The following MYO9A variants were observed in gnomAD, a reference collection of about 807,000 sequenced individuals.
MYO9A encodes the protein unconventional myosin-IXa.
A neutral mutation model predicts 293.3 loss-of-function variants in MYO9A; 103 were observed. The observed-to-expected ratio is 0.35, with a 90% CI of 0.30 to 0.41. MYO9A has a LOEUF of 0.41. Ranked by LOEUF, MYO9A falls within the 10% of genes least tolerant of loss-of-function variation. MYO9A has a pLI of 1.00. For missense variants in MYO9A, 2,685 were observed against 3,033.0 expected (o/e 0.89, Z 2.69); for synonymous variants, 1,001 against 1,035.7 (o/e 0.97, Z 0.64).
chr15:71,862,070 T>C (rs899293112), intron 33 of MYO9A, among the ~76,000 whole-genome samples: 1 of 152,202 alleles, frequency 6.6e-6, no homozygotes, highest in Non-Finnish European at 1.5e-5. Context: ...AAGCAGAGGT[T>C]GCAGTGAGCT....
chr15:71,863,319 A>T (rs2141831883), intron 32 of MYO9A, among the ~76,000 whole-genome samples: 1 of 152,288 alleles, frequency 6.6e-6, no homozygotes, highest in Non-Finnish European at 1.5e-5. Context: ...TACATGAGTT[A>T]TACCTGTTAA....
chr15:71,953,698 C>G (rs1257082159), intron 14 of MYO9A: 1 of 152,066 alleles, frequency 6.6e-6, no homozygotes, highest in Non-Finnish European at 1.5e-5. Context: ...ATTCTGCTTT[C>G]TATACCTTTT....
intron 29 of MYO9A, 27 bp downstream of exon 29, chr15:71,880,308 G>A: frequency 6.3e-7 from 1 of 1,596,872 alleles, no homozygotes; most frequent in Non-Finnish European, 8.6e-7. Flanking sequence ...AGCTGCTCCA[G>A]GGCCTGACGT....
At chr15:71,968,199 C>A in intron 12 of MYO9A, 74 bp from the exon 13 acceptor site, 1 of 1,254,128 alleles carries the variant, frequency 8.0e-7, no homozygotes, top group East Asian at 2.5e-5. Flanking sequence ...CAGCCCTTTT[C>A]AAAGTACATT....
At chr15:71,978,687 C>T (rs1269755638) in intron 11 of MYO9A, among the ~76,000 whole-genome samples, 1 of 151,714 alleles carries the variant, frequency 6.6e-6, no homozygotes, top group Non-Finnish European at 1.5e-5. Flanking sequence ...TTTAATGAAA[C>T]AATTTCTGGG....
chr15:71,861,174 A>G (rs1053697254), intron 33 of MYO9A, among the ~76,000 whole-genome samples: 2 of 151,594 alleles, frequency 1.3e-5, no homozygotes, highest in Non-Finnish European at 2.9e-5. Flanking sequence ...AACCAAAGCA[A>G]AACTGCTGTT....
At chr15:71,963,678 C>T (rs2075802154) in intron 13 of MYO9A, among the ~76,000 whole-genome samples, 1 of 152,132 alleles carries the variant, frequency 6.6e-6, no homozygotes, top group Admixed American at 6.5e-5. Flanking sequence ...TCTCGAACTC[C>T]TGACCTCAGG....
intron 8 of MYO9A, among the ~76,000 whole-genome samples, chr15:72,000,352 T>C (rs942133542): frequency 1.3e-5 from 2 of 152,242 alleles, no homozygotes; most frequent in African/African-American, 4.8e-5. Flanking sequence ...TTCATGAATC[T>C]TGAATTCTAG....
chr15:71,835,834 T>A (rs2054918706), intron 39 of MYO9A, among the ~76,000 whole-genome samples: 1 of 152,148 alleles, frequency 6.6e-6, no homozygotes, highest in Non-Finnish European at 1.5e-5. Flanking sequence ...GATGACTTAT[T>A]CTACCAGTTA....
chr15:71,937,023 AG>A (rs1174261626), intron 16 of MYO9A, among the ~76,000 whole-genome samples: 1 of 143,114 alleles, frequency 7.0e-6, no homozygotes, highest in Non-Finnish European at 1.5e-5. Context: ...GAAAGCAGGA[AG>A]GAAGGAAAAA....
intron 39 of MYO9A, among the ~76,000 whole-genome samples, chr15:71,843,997 AT>A (rs1292366853): frequency 6.6e-6 from 1 of 152,196 alleles, no homozygotes; most frequent in Non-Finnish European, 1.5e-5. Context: ...AACAAAGCCT[AT>A]TTTGGTTTTA....
At chr15:71,934,786 C>CTTTTTTTTTTTTTTTTTT (rs1167613386) in intron 17 of MYO9A, among the ~76,000 whole-genome samples, 1 of 61,788 alleles carries the variant, frequency 1.6e-5, no homozygotes, top group East Asian at 4.9e-4. Flanking sequence ...CTTTTCTTTT[C>CTTTTTTTTTTTTTTTTTT]TTTTTTTTTT....
chr15:71,851,442 A>G, intron 36 of MYO9A, 84 bp from the exon 37 acceptor site: 2 of 1,091,134 alleles, frequency 1.8e-6, no homozygotes, highest in Non-Finnish European at 2.6e-6. Context: ...GAAGCAAAGA[A>G]GGCTGGCTAC....
Position 72,066,637 on chromosome 15 carries a change from T to C in MYO9A, c.-71-20003A>G, listed in dbSNP as rs897466640. Among the ~76,000 whole-genome samples the C allele has an allele frequency of 3.3e-5, 5 of 152,268 alleles. No individual in the cohort carries two copies. In the South Asian group the frequency reaches 8.3e-4, roughly 25 times the overall value. ...TTTCCTTAGCGGAGAGGAAGTTATA[T>C]AGGCAGGGCACAAAAGGAAGGCCTT... is the stretch of plus-strand genomic sequence containing the variant. On this transcript the variant is annotated intron_variant, in intron 1 of 41. Coordinates refer to ENST00000356056, the MANE Select transcript of MYO9A (RefSeq NM_006901.4).
intron 32 of MYO9A, among the ~76,000 whole-genome samples, chr15:71,864,995 T>C (rs1293089621): frequency 1.3e-5 from 2 of 152,182 alleles, no homozygotes; most frequent in Non-Finnish European, 2.9e-5. Context: ...TACCAATTGG[T>C]CTATTTTGTA....
intron 11 of MYO9A, among the ~76,000 whole-genome samples, chr15:71,980,948 AT>A (rs1325775292): frequency 6.6e-6 from 1 of 152,222 alleles, no homozygotes; most frequent in Non-Finnish European, 1.5e-5. Context: ...TATTAGCTGT[AT>A]TTTGTAGATG....
chr15:72,063,546 T>C (rs2078934160), intron 1 of MYO9A, among the ~76,000 whole-genome samples: 1 of 151,958 alleles, frequency 6.6e-6, no homozygotes, highest in Admixed American at 6.6e-5. Context: ...AACAACTCAA[T>C]AGGAAAAAAA....
chr15:72,101,619 C>A (rs2080327972), intron 1 of MYO9A, among the ~76,000 whole-genome samples: 2 of 138,630 alleles, frequency 1.4e-5, no homozygotes, highest in African/African-American at 2.7e-5. Flanking sequence ...GCCCGGCCAG[C>A]CGCCCCATCC....
rs570753626 is a variant in MYO9A, at chr15:72,052,761, GC to G, written c.-71-6128del. ...AGCGCCTATGCCAGCACCCGGAGCTGCCTGCCCCGCTGCAGCCAGCATGCTC... is the reference window on the plus strand; with the variant it reads ...AGCGCCTATGCCAGCACCCGGAGCTGCTGCCCCGCTGCAGCCAGCATGCTC... On this transcript the variant is annotated intron_variant, in intron 1 of 41. Coordinates refer to ENST00000356056, the MANE Select transcript of MYO9A (RefSeq NM_006901.4). Among the ~76,000 whole-genome samples, 37 of 152,300 alleles carry G rather than the reference GC, an allele frequency of 2.4e-4. No individual in the cohort carries two copies. In the South Asian group the frequency reaches 5.8e-3, roughly 24 times the overall value.
Sources: gnomAD v4.1 joint callset for allele counts (sites outside exome capture counted in the v4.1 genomes callset) on GRCh38, gnomAD v4.1.1 for gene constraint, MANE v1.5 for transcripts, NCBI Gene and HGNC (gene_info 2026-07-23, HGNC 2026-07-21) for gene names.